Variants in DLG2 observed in about 807,000 individuals in gnomAD.
DLG2 encodes discs large MAGUK scaffold protein 2, also known as disks large homolog 2.
DLG2 carries 45 observed loss-of-function variants against 132.5 expected under a neutral mutation model. The observed-to-expected ratio is 0.34, with a 90% CI of 0.27 to 0.44. DLG2 has a LOEUF of 0.44. DLG2 is among the 20% of genes least tolerant of loss of function. DLG2 has a pLI of 1.00. For synonymous variants in DLG2, 424 were observed against 419.6 expected, an observed-to-expected ratio of 1.01 and a Z score of -0.13; for missense variants, 1,045 against 1,196.9, an observed-to-expected ratio of 0.87 and a Z score of 1.87.
rs1321927777 is a variant in DLG2, at chr11:84,462,654, G to A, written c.519+71916C>T. 2.6e-5 allele frequency among the ~76,000 whole-genome samples: 4 copies of A among 151,070 alleles called. No homozygotes were observed. In the Admixed American group the frequency reaches 2.6e-4, roughly 10 times the overall value. On this transcript the variant is annotated intron_variant, in intron 7 of 27. Transcript: ENST00000376104. ...GATGCCAGTTTAGTTCCAAAGAAAT[G>A]AAAAGACAATAGGAGTGGCTTATTA...
intron 22 of DLG2, chr11:83,480,498 C>G (rs1338713788): frequency 4.0e-6 from 6 of 1,492,948 alleles, no homozygotes; most frequent in East Asian, 4.9e-5. Context: ...TGCAAGGCTA[C>G]CAGAAATGTG....
chr11:85,415,858 G>T (rs1032166288), intron 3 of DLG2, among the ~76,000 whole-genome samples: 5 of 152,060 alleles, frequency 3.3e-5, no homozygotes, highest in Non-Finnish European at 7.4e-5. Flanking sequence ...CTAAAGAGTG[G>T]AAGCTCTTTA....
intron 7 of DLG2, among the ~76,000 whole-genome samples, chr11:84,373,187 G>A (rs757402657): frequency 1.5e-5 from 2 of 135,928 alleles, no homozygotes; most frequent in Non-Finnish European, 3.1e-5. Context: ...ACGACTATCT[G>A]GATGATCTCA....
chr11:84,368,461 T>C (rs1471851284), intron 7 of DLG2, among the ~76,000 whole-genome samples: 9 of 152,122 alleles, frequency 5.9e-5, no homozygotes, highest in Admixed American at 5.9e-4. Flanking sequence ...AAAAATAGCA[T>C]GTGCTCAAAC....
chr11:85,259,120 A>T (rs1408804322), intron 4 of DLG2, among the ~76,000 whole-genome samples: 1 of 151,992 alleles, frequency 6.6e-6, no homozygotes, highest in East Asian at 1.9e-4. Flanking sequence ...TGTAATCACC[A>T]GTGTTGGAGG....
intron 18 of DLG2, among the ~76,000 whole-genome samples, chr11:83,639,889 T>C (rs977713231): frequency 6.6e-6 from 1 of 152,158 alleles, no homozygotes; most frequent in Non-Finnish European, 1.5e-5. Context: ...CCTCAGTTTG[T>C]TCATCTACAA....
At chr11:85,412,734 C>A (rs1307043783) in intron 3 of DLG2, among the ~76,000 whole-genome samples, 1 of 121,458 alleles carries the variant, frequency 8.2e-6, no homozygotes, top group Non-Finnish European at 1.7e-5. Context: ...TTCACACACA[C>A]ACACACACAC....
intron 6 of DLG2, among the ~76,000 whole-genome samples, chr11:84,747,482 T>C (rs192091598): frequency 1.3e-5 from 2 of 152,324 alleles, no homozygotes; most frequent in East Asian, 3.9e-4. Flanking sequence ...ATTCTAGTTT[T>C]GTAATAAACT....
chr11:83,777,737 C>A (rs572041907), intron 18 of DLG2, among the ~76,000 whole-genome samples: 2 of 152,256 alleles, frequency 1.3e-5, no homozygotes, highest in African/African-American at 4.8e-5. Flanking sequence ...AGATACAGAT[C>A]TTTCCCCTTC....
intron 9 of DLG2, among the ~76,000 whole-genome samples, chr11:84,135,511 T>C (rs898331990): frequency 6.6e-6 from 1 of 152,182 alleles, no homozygotes; most frequent in African/African-American, 2.4e-5. Context: ...AAGGATTATG[T>C]CAGGGAAGGA....
chr11:84,125,438 A>C (rs1350658020), intron 9 of DLG2, among the ~76,000 whole-genome samples: 3 of 152,234 alleles, frequency 2.0e-5, no homozygotes, highest in Non-Finnish European at 2.9e-5. Flanking sequence ...TGCTGAATAA[A>C]GTGACCCTCC....
chr11:83,580,278 T>C (rs1412902150), intron 19 of DLG2, among the ~76,000 whole-genome samples: 1 of 152,060 alleles, frequency 6.6e-6, no homozygotes, highest in Non-Finnish European at 1.5e-5. Context: ...TTAAAATATA[T>C]GCCCATGGTT....
chr11:85,402,092 T>C (rs573341284), intron 3 of DLG2, among the ~76,000 whole-genome samples: 24 of 152,224 alleles, frequency 1.6e-4, no homozygotes, highest in African/African-American at 4.8e-4. Context: ...CTTCAAACTA[T>C]ACTACAAGGC....
At chr11:84,237,755 C>T (rs747855201) in intron 8 of DLG2, among the ~76,000 whole-genome samples, 2 of 147,344 alleles carry the variant, frequency 1.4e-5, no homozygotes, top group Non-Finnish European at 3.0e-5. Flanking sequence ...AGGAAAGACA[C>T]AGCCGGGCAT....
At chr11:83,727,909 T>A (rs1460914271) in intron 18 of DLG2, among the ~76,000 whole-genome samples, 1 of 152,218 alleles carries the variant, frequency 6.6e-6, no homozygotes, top group African/African-American at 2.4e-5. Flanking sequence ...GCCACAGAAC[T>A]ATTATACAGC....
rs117012372 is a variant in DLG2 at position 84,456,284 on chromosome 11, C to T, written c.519+78286G>A. On this transcript the variant is annotated intron_variant, in intron 7 of 27. Transcript: ENST00000376104. The stretch of plus-strand genomic sequence containing the variant: ...ATGCCTTAGAATCAGATACGTTTGG[C>T]CCAGACATATGGTGGAAGAATGCCC... 4.7e-3 allele frequency among the ~76,000 whole-genome samples: 706 copies of T among 151,290 alleles called. 3 individuals carry two copies. The highest frequency in any genetic ancestry group is 8.2e-3 in the Non-Finnish European group (551 of 67,482).
chr11:85,439,871 A>G (rs1344587486), intron 3 of DLG2, among the ~76,000 whole-genome samples: 4 of 152,186 alleles, frequency 2.6e-5, no homozygotes, highest in Admixed American at 6.5e-5. Context: ...GGAAGACTGG[A>G]TATTAGAAAG....
intron 7 of DLG2, among the ~76,000 whole-genome samples, chr11:84,357,324 A>C (rs887912622): frequency 5.9e-5 from 9 of 152,062 alleles, no homozygotes; most frequent in African/African-American, 2.2e-4. Flanking sequence ...CCTTGGAAAC[A>C]TAATGTATCA....
intron 25 of DLG2, among the ~76,000 whole-genome samples, chr11:83,468,238 A>T (rs1260826604): frequency 2.6e-5 from 4 of 152,296 alleles, no homozygotes; most frequent in African/African-American, 9.6e-5. Flanking sequence ...AAGTCTTCTT[A>T]TCTGAGAAAC....
Sources: allele counts gnomAD v4.1 joint callset (sites outside exome capture counted in the v4.1 genomes callset), GRCh38; gene constraint gnomAD v4.1.1; transcripts MANE v1.5; gene names NCBI Gene and HGNC (gene_info 2026-07-23, HGNC 2026-07-21).